UBE2U: variants seen among roughly 807,000 people sequenced by gnomAD.
The protein encoded by UBE2U is ubiquitin-conjugating enzyme E2 U.
In UBE2U, 39 loss-of-function variants were observed where a neutral mutation model predicts 41.2. The observed-to-expected ratio is 0.95, with a 90% CI of 0.73 to 1.24. The LOEUF (loss-of-function observed/expected upper bound fraction) is 1.24. UBE2U is among the 50% of genes most tolerant of loss of function. The pLI, the probability that UBE2U is intolerant of heterozygous loss-of-function variation, is 0.00. For missense variants in UBE2U, 336 were observed against 363.1 expected (o/e 0.93, Z 0.61); for synonymous variants, 107 against 117.8 (o/e 0.91, Z 0.60).
At chr1:64,239,096 GAA>G (rs1557729663) in intron 7 of UBE2U, among the ~76,000 whole-genome samples, 2 of 6,312 alleles carry the variant, frequency 3.2e-4, no homozygotes, top group African/African-American at 1.0e-3. Flanking sequence ...GGAAGAGGAA[GAA>G]GAAGAAGAAG....
rs1645269691 is a variant in UBE2U, at chr1:64,267,310, AGTT to A, written c.*106_*108del. On this transcript the variant is annotated 3_prime_UTR_variant, in exon 10 of 10. Coordinates refer to ENST00000371077, the MANE Select transcript of UBE2U (RefSeq NM_001366232.2). ...CAGAACTTGGATTTCATTTTTTTTA[AGTT>A]GTTCTCACCCACTCACTGCAAGTAC... The A allele has an allele frequency of 7.2e-6, 7 of 978,188 alleles. No homozygotes were observed. The Admixed American group carries it at 1.7e-4, about 24-fold the overall frequency. 60.6% of individuals were successfully genotyped at this position (978,188 alleles called of 1,614,324 possible). A position where few individuals can be genotyped will look rare whatever the true frequency, so the allele number is the denominator to read the frequency against.
chr1:64,220,731 C>T (rs954468613), intron 5 of UBE2U, 128 bp from the exon 6 acceptor site: 6 of 747,298 alleles, frequency 8.0e-6, no homozygotes, highest in South Asian at 5.5e-5. Context: ...CTTTTGCTCT[C>T]CTTGAGATTT....
At chr1:64,228,686 C>CTT (rs59774097) in intron 6 of UBE2U, among the ~76,000 whole-genome samples, 44 of 95,714 alleles carry the variant, frequency 4.6e-4, no homozygotes, top group Non-Finnish European at 7.1e-4. Context: ...CTCTCTCTCT[C>CTT]TTTTTTTTTT....
chr1:64,239,158 AAGAAG>A (rs1447027176), intron 7 of UBE2U, among the ~76,000 whole-genome samples: 1 of 12,478 alleles, frequency 8.0e-5, no homozygotes, highest in Non-Finnish European at 2.4e-4. Flanking sequence ...AAGAAGAAGA[AAGAAG>A]AAGAAGAAGA....
At chr1:64,226,386 A>G (rs1200853392) in intron 6 of UBE2U, among the ~76,000 whole-genome samples, 1 of 152,206 alleles carries the variant, frequency 6.6e-6, no homozygotes, top group Admixed American at 6.5e-5. Context: ...GGGAAGGGGC[A>G]GTAGGAAACT....
intron 8 of UBE2U, among the ~76,000 whole-genome samples, chr1:64,251,047 A>G (rs1259687481): frequency 1.3e-5 from 2 of 152,004 alleles, no homozygotes; most frequent in Non-Finnish European, 2.9e-5. Flanking sequence ...CATGTACCCT[A>G]AAACTTAAAG....
At chr1:64,214,003 T>G (rs1458007724) in intron 4 of UBE2U, among the ~76,000 whole-genome samples, 1 of 152,226 alleles carries the variant, frequency 6.6e-6, no homozygotes, top group African/African-American at 2.4e-5. Flanking sequence ...GGGACCACCA[T>G]GATATATGCC....
intron 8 of UBE2U, chr1:64,244,374 T>A (rs1644887063): frequency 1.5e-6 from 1 of 647,944 alleles, no homozygotes; most frequent in Non-Finnish European, 1.9e-6. Flanking sequence ...ATATATAAAA[T>A]AAAAATTAAT....
At chr1:64,216,758 G>A (rs1652047075) in intron 5 of UBE2U, among the ~76,000 whole-genome samples, 1 of 152,176 alleles carries the variant, frequency 6.6e-6, no homozygotes, top group African/African-American at 2.4e-5. Context: ...TGTTATGTTT[G>A]CCTACCCTGA....
chr1:64,226,322 A>G (rs540957825), intron 6 of UBE2U, among the ~76,000 whole-genome samples: 1 of 152,318 alleles, frequency 6.6e-6, no homozygotes, highest in Admixed American at 6.5e-5. Context: ...GGCAAAACTA[A>G]TCTGTCAGAT....
intron 1 of UBE2U, 128 bp from the exon 2 acceptor site, chr1:64,205,511 T>G (rs1033483406): frequency 2.2e-5 from 16 of 730,326 alleles, no homozygotes; most frequent in Non-Finnish European, 3.4e-5. Flanking sequence ...GAGCAGCAAA[T>G]AAATAAACTT....
intron 6 of UBE2U, among the ~76,000 whole-genome samples, chr1:64,228,925 A>G (rs931165040): frequency 2.1e-5 from 3 of 142,078 alleles, no homozygotes; most frequent in Non-Finnish European, 4.5e-5. Context: ...TAGTGGCGCG[A>G]TCTCAGCTCA....
intron 5 of UBE2U, 73 bp from the exon 6 acceptor site, chr1:64,220,786 G>A (rs1038361452): frequency 9.2e-7 from 1 of 1,086,202 alleles, no homozygotes; most frequent in Non-Finnish European, 1.4e-6. Context: ...TTGAGGCTTT[G>A]GAAATAGTGC....
At chr1:64,228,855 A>ATTTTTTTTTTTTT (rs56873849) in intron 6 of UBE2U, among the ~76,000 whole-genome samples, 1 of 93,898 alleles carries the variant, frequency 1.1e-5, no homozygotes, top group African/African-American at 4.7e-5. Flanking sequence ...TGCCCAGGTA[A>ATTTTTTTTTTTTT]TTTTTTTTTT....
Position 64,214,842 on chromosome 1 carries a change from A to G in UBE2U, c.367A>G (p.Asn123Asp). The G allele has an allele frequency of 6.2e-7, 1 of 1,614,088 alleles. No individual in the cohort carries two copies. The highest frequency in any genetic ancestry group is 1.1e-5 in the South Asian group (1 of 91,080). Residue 123 changes from asparagine to aspartate, a missense_variant, in exon 5 of 10, where the codon AAT becomes GAT. Coordinates refer to ENST00000371077, the MANE Select transcript of UBE2U (RefSeq NM_001366232.2). ...TATGCTTTCTAATCCAGTGCTAGAGAATCCAGTGAATTTGGAAGCAGCCAG... is the reference window on the plus strand; with the variant it reads ...TATGCTTTCTAATCCAGTGCTAGAGGATCCAGTGAATTTGGAAGCAGCCAG... Reference protein sequence around the residue: ...QVMLSNPVLENPVNLEAARIL... With the variant: ...QVMLSNPVLEDPVNLEAARIL...
At chr1:64,208,805 T>C (rs1278856763) in intron 3 of UBE2U, among the ~76,000 whole-genome samples, 2 of 152,170 alleles carry the variant, frequency 1.3e-5, no homozygotes, top group Non-Finnish European at 2.9e-5. Context: ...AGATCATTGC[T>C]ATATCCTTAG....
At chr1:64,239,416 AC>A (rs1644794731) in intron 7 of UBE2U, among the ~76,000 whole-genome samples, 1 of 151,982 alleles carries the variant, frequency 6.6e-6, no homozygotes, top group African/African-American at 2.4e-5. Context: ...GATGTGCACA[AC>A]GTGCAGGTTT....
chr1:64,240,788 G>T (rs551662903), intron 7 of UBE2U, among the ~76,000 whole-genome samples: 34 of 152,008 alleles, frequency 2.2e-4, no homozygotes, highest in African/African-American at 7.7e-4. Context: ...TTGAGACAGG[G>T]TCTCACTCTG....
intron 8 of UBE2U, among the ~76,000 whole-genome samples, chr1:64,245,846 C>T (rs1292385343): frequency 6.6e-6 from 1 of 152,070 alleles, no homozygotes; most frequent in Admixed American, 6.6e-5. Flanking sequence ...CCAGACATTC[C>T]GTAAAGGTGG....
Sources: gnomAD v4.1 joint callset for allele counts (sites outside exome capture counted in the v4.1 genomes callset) on GRCh38, gnomAD v4.1.1 for gene constraint, MANE v1.5 for transcripts, NCBI Gene and HGNC (gene_info 2026-07-23, HGNC 2026-07-21) for gene names.